DPP10: variants seen among roughly 807,000 people sequenced by gnomAD.
DPP10 encodes dipeptidyl peptidase like 10.
In DPP10, 33 loss-of-function variants were observed where a neutral mutation model predicts 120.9. That is an observed-to-expected ratio of 0.27 (90% CI 0.21 to 0.37). The LOEUF (loss-of-function observed/expected upper bound fraction) is 0.37. Ranked by LOEUF, DPP10 falls within the 10% of genes least tolerant of loss-of-function variation. DPP10 has a pLI of 1.00. For synonymous variants in DPP10, 337 were observed against 326.1 expected (o/e 1.03, Z -0.36); for missense variants, 816 against 942.8 (o/e 0.87, Z 1.76).
intron 1 of DPP10, among the ~76,000 whole-genome samples, chr2:114,742,433 G>T (rs1574083079): frequency 6.6e-6 from 1 of 152,342 alleles, no homozygotes; most frequent in Admixed American, 6.5e-5. Flanking sequence ...AGAGCTGGCT[G>T]ATTTCACAAT....
chr2:115,466,539 A>G (rs2074337183), intron 3 of DPP10, among the ~76,000 whole-genome samples: 1 of 152,202 alleles, frequency 6.6e-6, no homozygotes, highest in Non-Finnish European at 1.5e-5. Flanking sequence ...GTATTCTACA[A>G]TAAATTAAAT....
intron 1 of DPP10, among the ~76,000 whole-genome samples, chr2:114,849,172 C>A (rs1291453262): frequency 6.6e-6 from 1 of 152,148 alleles, no homozygotes; most frequent in Non-Finnish European, 1.5e-5. Context: ...TGACTCTTCA[C>A]ATACACATTT....
chr2:114,994,638 C>T (rs1700962149), intron 1 of DPP10, among the ~76,000 whole-genome samples: 1 of 152,202 alleles, frequency 6.6e-6, no homozygotes, highest in African/African-American at 2.4e-5. Flanking sequence ...GACACCTATA[C>T]TTGACATACT....
At chr2:115,558,550 A>C (rs1262818789) in intron 5 of DPP10, among the ~76,000 whole-genome samples, 1 of 152,194 alleles carries the variant, frequency 6.6e-6, no homozygotes, top group African/African-American at 2.4e-5. Flanking sequence ...AATCAGGGGC[A>C]TCCTGAACTG....
intron 1 of DPP10, among the ~76,000 whole-genome samples, chr2:115,084,584 G>A (rs937624844): frequency 6.6e-6 from 1 of 152,212 alleles, no homozygotes; most frequent in Non-Finnish European, 1.5e-5. Context: ...TTCAGAAGCT[G>A]TTTTTGTGTT....
At chr2:115,093,944 T>G (rs1055468043) in intron 1 of DPP10, among the ~76,000 whole-genome samples, 5 of 152,096 alleles carry the variant, frequency 3.3e-5, no homozygotes, top group African/African-American at 1.2e-4. Flanking sequence ...CCATGAGACA[T>G]ACAGTTTCAA....
At chr2:115,302,508 T>G (rs2061185039) in intron 1 of DPP10, among the ~76,000 whole-genome samples, 2 of 151,920 alleles carry the variant, frequency 1.3e-5, no homozygotes, top group Non-Finnish European at 2.9e-5. Context: ...TCCCAGCTAC[T>G]TGGGAGGCTG....
At chr2:115,397,844 C>T (rs2067789258) in intron 3 of DPP10, among the ~76,000 whole-genome samples, 1 of 152,120 alleles carries the variant, frequency 6.6e-6, no homozygotes, top group Non-Finnish European at 1.5e-5. Context: ...AGACTGCTGC[C>T]ACAAGTATGT....
intron 1 of DPP10, among the ~76,000 whole-genome samples, chr2:114,713,286 C>T (rs1701143898): frequency 6.6e-6 from 1 of 152,128 alleles, no homozygotes; most frequent in Non-Finnish European, 1.5e-5. Context: ...CCGTACCCCG[C>T]CTAATTTTGT....
intron 3 of DPP10, among the ~76,000 whole-genome samples, chr2:115,344,306 G>T (rs1402536160): frequency 6.6e-6 from 1 of 152,096 alleles, no homozygotes; most frequent in Non-Finnish European, 1.5e-5. Context: ...TGACAGTTTT[G>T]TATCTGCTGC....
chr2:114,621,094 A>AT (rs1159568692), intron 1 of DPP10, among the ~76,000 whole-genome samples: 3 of 152,018 alleles, frequency 2.0e-5, no homozygotes, highest in African/African-American at 4.8e-5. Context: ...CCATTGTCTG[A>AT]TTTTTTTGCT....
intron 1 of DPP10, among the ~76,000 whole-genome samples, chr2:114,780,034 G>A (rs1044050340): frequency 3.9e-5 from 6 of 152,062 alleles, no homozygotes; most frequent in Admixed American, 3.9e-4. Context: ...TACTCGGGAG[G>A]CTGAGGCAGG....
intron 1 of DPP10, among the ~76,000 whole-genome samples, chr2:114,772,754 C>G (rs112386133): frequency 5.9e-5 from 9 of 151,942 alleles, no homozygotes; most frequent in African/African-American, 2.2e-4. Context: ...CTCCTGGTGG[C>G]TAACCATGAA....
At chr2:114,577,329 G>C (rs992822373) in intron 1 of DPP10, among the ~76,000 whole-genome samples, 4 of 152,176 alleles carry the variant, frequency 2.6e-5, no homozygotes, top group African/African-American at 9.7e-5. Context: ...GCTTTTGTTT[G>C]TTTGTTTGTT....
chr2:115,007,052 G>A (rs1269773961), intron 1 of DPP10, among the ~76,000 whole-genome samples: 1 of 151,988 alleles, frequency 6.6e-6, no homozygotes, highest in Admixed American at 6.5e-5. Context: ...CTAGAACTCA[G>A]GATTAAGAAT....
At chr2:115,496,069 G>A (rs1389050449) in intron 3 of DPP10, among the ~76,000 whole-genome samples, 1 of 151,942 alleles carries the variant, frequency 6.6e-6, no homozygotes. Flanking sequence ...TATTAGTCTG[G>A]TAGATAACTG....
At position 115,104,170 on chromosome 2, in the gene DPP10, C is replaced by CTTTTTTTT. The variant is rs35125894; in HGVS notation, c.61-205052_61-205045dup. 7.3e-4 allele frequency among the ~76,000 whole-genome samples: 62 copies of CTTTTTTTT among 84,654 alleles called. 1 individual carries two copies. The highest frequency in any genetic ancestry group is 8.9e-4 in the Non-Finnish European group (42 of 46,942). 55.5% of individuals were successfully genotyped at this position (84,654 alleles called of 152,430 possible). A position where few individuals can be genotyped will look rare whatever the true frequency, so the allele number is the denominator to read the frequency against. On this transcript the variant is annotated intron_variant, in intron 1 of 25. Coordinates refer to ENST00000410059, the MANE Select transcript of DPP10 (RefSeq NM_020868.6). Reference sequence around the variant, plus strand: ...TTTGGAGCATGTCAAATACATATGTCTTTTTTTTTTTTTTTTTTTTTTTTG... The same window carrying CTTTTTTTT: ...TTTGGAGCATGTCAAATACATATGTCTTTTTTTTTTTTTTTTTTTTTTTTTTTTTTTTG...
chr2:115,218,987 T>G (rs1397784437), intron 1 of DPP10, among the ~76,000 whole-genome samples: 3 of 152,122 alleles, frequency 2.0e-5, no homozygotes, highest in Non-Finnish European at 4.4e-5. Context: ...CCCATCACAC[T>G]GAGTACTTAT....
chr2:114,925,106 C>T (rs981920701), intron 1 of DPP10, among the ~76,000 whole-genome samples: 9 of 149,016 alleles, frequency 6.0e-5, no homozygotes, highest in Non-Finnish European at 8.9e-5. Context: ...AGCTACTCGG[C>T]AGGCTGAGGC....
Sources: gnomAD v4.1 joint callset for allele counts (sites outside exome capture counted in the v4.1 genomes callset) on GRCh38, gnomAD v4.1.1 for gene constraint, MANE v1.5 for transcripts, NCBI Gene and HGNC (gene_info 2026-07-23, HGNC 2026-07-21) for gene names.